Variants in SRRM4 observed in about 807,000 individuals in gnomAD.
The protein encoded by SRRM4 is serine/arginine repetitive matrix 4.
A neutral mutation model predicts 68.9 loss-of-function variants in SRRM4; 33 were observed. The observed-to-expected ratio is 0.48, with a 90% CI of 0.36 to 0.64. The LOEUF (loss-of-function observed/expected upper bound fraction) is 0.64. SRRM4 is among the 30% of genes least tolerant of loss of function. The probability of loss-of-function intolerance (pLI) is 0.00; values close to 1 mark genes in which losing one functional copy is unlikely to be tolerated. For synonymous variants in SRRM4, 318 were observed against 318.8 expected (o/e 1.00, Z 0.03); for missense variants, 817 against 827.1 (o/e 0.99, Z 0.15).
intron 1 of SRRM4, among the ~76,000 whole-genome samples, chr12:119,038,005 A>T (rs1394264132): frequency 6.6e-6 from 1 of 152,160 alleles, no homozygotes; most frequent in African/African-American, 2.4e-5. Flanking sequence ...TAATGCTATT[A>T]TATCTATTTA....
intron 1 of SRRM4, among the ~76,000 whole-genome samples, chr12:119,029,764 A>T (rs961343228): frequency 6.6e-6 from 1 of 152,230 alleles, no homozygotes; most frequent in Non-Finnish European, 1.5e-5. Context: ...CTTGCCGAAT[A>T]TGCCAAAATC....
intron 1 of SRRM4, among the ~76,000 whole-genome samples, chr12:119,047,806 G>A (rs1212229698): frequency 6.6e-6 from 1 of 152,130 alleles, no homozygotes; most frequent in Non-Finnish European, 1.5e-5. Context: ...TACTCCATTG[G>A]CTGGAGCAGG....
intron 1 of SRRM4, among the ~76,000 whole-genome samples, chr12:119,092,920 C>T (rs1229579809): frequency 2.0e-5 from 3 of 152,110 alleles, no homozygotes; most frequent in Non-Finnish European, 4.4e-5. Flanking sequence ...CTCCCCTTTG[C>T]TCCCTCAGCT....
Position 119,160,730 on chromosome 12 carries a change from G to T in SRRM4, c.*3932G>T, listed in dbSNP as rs930346012. The T allele has an allele frequency of 6.6e-6, 1 of 152,196 alleles. No homozygotes were observed. Among genetic ancestry groups the T allele is most frequent in the Non-Finnish European group, 1.5e-5 (1 of 68,046 alleles). 9.4% of individuals were successfully genotyped at this position (152,196 alleles called of 1,614,324 possible). On this transcript the variant is annotated 3_prime_UTR_variant, in exon 13 of 13. Coordinates refer to ENST00000267260, the MANE Select transcript of SRRM4 (RefSeq NM_194286.4). ...AAATGTTGGCCTGAGGCCTGAGAGT[G>T]TCACCAAAGACAGAGGGAGCTTCAC...
intron 6 of SRRM4, among the ~76,000 whole-genome samples, 167 bp downstream of exon 6, chr12:119,122,287 G>A (rs1954225488): frequency 9.0e-6 from 1 of 111,474 alleles, no homozygotes; most frequent in Middle Eastern, 4.7e-3. Context: ...AGGAAGGCAG[G>A]AAGGCAGGAA....
chr12:119,110,247 C>T (rs1954134139), intron 2 of SRRM4, among the ~76,000 whole-genome samples: 1 of 152,182 alleles, frequency 6.6e-6, no homozygotes, highest in South Asian at 2.1e-4. Flanking sequence ...CTGGGAGGTG[C>T]CTCCCAGTTA....
At chr12:119,081,121 CA>C (rs981163986) in intron 1 of SRRM4, among the ~76,000 whole-genome samples, 3 of 152,070 alleles carry the variant, frequency 2.0e-5, no homozygotes, top group African/African-American at 7.2e-5. Context: ...TGAAACAGAC[CA>C]AAAACCTCTA....
intron 2 of SRRM4, among the ~76,000 whole-genome samples, chr12:119,106,756 C>G (rs892165740): frequency 6.6e-6 from 1 of 152,212 alleles, no homozygotes; most frequent in Non-Finnish European, 1.5e-5. Flanking sequence ...CATCTGCAAA[C>G]AGGGACATTT....
rs1953909637 is a variant in SRRM4, at chr12:119,075,865, GGTGATGATGATGGTAGTA to G, written c.132-26354_132-26337del. On this transcript the variant is annotated intron_variant, in intron 1 of 12. Transcript: ENST00000267260. Reference sequence around the variant, plus strand: ...TGATGATGATGTTGATGATGGTGGTGGTGATGATGATGGTAGTAGTGATGATGATGGTAGCGATGATGG... The same window carrying G: ...TGATGATGATGTTGATGATGGTGGTGGTGATGATGATGGTAGCGATGATGG... 9.9e-5 allele frequency among the ~76,000 whole-genome samples: 15 copies of G among 151,350 alleles called. No homozygotes were observed. The South Asian group carries it at 3.2e-3, about 32-fold the overall frequency.
chr12:119,056,702 T>G (rs2136019409), intron 1 of SRRM4, among the ~76,000 whole-genome samples: 1 of 152,320 alleles, frequency 6.6e-6, no homozygotes, highest in African/African-American at 2.4e-5. Context: ...GGCCTTCTTT[T>G]GCATGCATGG....
intron 1 of SRRM4, among the ~76,000 whole-genome samples, chr12:119,072,409 C>T (rs1030297295): frequency 6.6e-6 from 1 of 152,092 alleles, no homozygotes; most frequent in African/African-American, 2.4e-5. Flanking sequence ...CACTATTAGT[C>T]CTGATCTCTC....
intron 4 of SRRM4, 67 bp from the exon 5 acceptor site, chr12:119,120,183 C>G (rs1954210287): frequency 8.9e-7 from 1 of 1,120,292 alleles, no homozygotes; most frequent in Non-Finnish European, 1.3e-6. Flanking sequence ...CTCTCTCTCT[C>G]CCTCTCTTTC....
At chr12:119,145,743 C>A (rs1954398317) in intron 9 of SRRM4, 58 bp downstream of exon 9, 1 of 1,367,046 alleles carries the variant, frequency 7.3e-7, no homozygotes, top group East Asian at 2.7e-5. Context: ...TCCACCTTCT[C>A]ATGCTCTCAT....
chr12:119,111,739 A>T (rs1479277741), intron 2 of SRRM4, among the ~76,000 whole-genome samples: 1 of 151,996 alleles, frequency 6.6e-6, no homozygotes, highest in Non-Finnish European at 1.5e-5. Context: ...TGTGACAAGC[A>T]CTCTTTAAGG....
intron 1 of SRRM4, among the ~76,000 whole-genome samples, chr12:119,035,097 A>AT (rs796954243): frequency 6.6e-6 from 1 of 152,124 alleles, no homozygotes; most frequent in African/African-American, 2.4e-5. Context: ...TTCTTGAATA[A>AT]TTTTTTTCAG....
chr12:119,059,149 G>A lies in SRRM4; in HGVS notation c.132-43087G>A, dbSNP rs75560208. Among the ~76,000 whole-genome samples the A allele has an allele frequency of 9.9e-4, 150 of 152,230 alleles. 2 individuals are homozygous for A. The East Asian group carries it at 0.018, about 19-fold the overall frequency. On this transcript the variant is annotated intron_variant, in intron 1 of 12. Coordinates refer to ENST00000267260, the MANE Select transcript of SRRM4 (RefSeq NM_194286.4). The stretch of plus-strand genomic sequence containing the variant: ...CACTTCTGTTTGGGTCTTGGATTAA[G>A]AAATATTGATTCTACCAATTAAACA...
At chr12:118,991,487 C>G (rs1284948326) in intron 1 of SRRM4, among the ~76,000 whole-genome samples, 1 of 152,154 alleles carries the variant, frequency 6.6e-6, no homozygotes, top group African/African-American at 2.4e-5. Flanking sequence ...TTTGGGCGAT[C>G]ATTGGCTAAA....
chr12:118,990,935 T>C (rs1400722059), intron 1 of SRRM4, among the ~76,000 whole-genome samples: 1 of 152,194 alleles, frequency 6.6e-6, no homozygotes, highest in Non-Finnish European at 1.5e-5. Flanking sequence ...TTCTCCTGCC[T>C]AAGCCTCCCA....
At chr12:119,106,776 C>G (rs1954110288) in intron 2 of SRRM4, among the ~76,000 whole-genome samples, 1 of 152,166 alleles carries the variant, frequency 6.6e-6, no homozygotes, top group Non-Finnish European at 1.5e-5. Context: ...TTGACTTCCT[C>G]TTTTCCTAAT....
Sources: gnomAD v4.1 joint callset for allele counts (sites outside exome capture counted in the v4.1 genomes callset) on GRCh38, gnomAD v4.1.1 for gene constraint, MANE v1.5 for transcripts, NCBI Gene and HGNC (gene_info 2026-07-23, HGNC 2026-07-21) for gene names.